Variants in ACSL6 observed in about 807,000 individuals in gnomAD.
ACSL6 encodes the protein acyl-CoA synthetase long chain family member 6.
Under a neutral mutation model 98.2 loss-of-function variants are expected in ACSL6, and 47 were observed. The ratio of observed to expected loss-of-function variants is 0.48; its 90% CI spans 0.38 to 0.61. The LOEUF (loss-of-function observed/expected upper bound fraction) is 0.61, where lower values mean the gene tolerates loss of function less well. Among genes scored for constraint, ACSL6 ranks in the 20% least tolerant of loss-of-function variants. ACSL6 has a pLI of 0.00. For synonymous variants in ACSL6, 362 were observed against 336.9 expected (o/e 1.07, Z -0.82); for missense variants, 761 against 913.4 (o/e 0.83, Z 2.15).
Position 131,994,174 on chromosome 5 carries a change from A to G in ACSL6, c.127T>C (p.Leu43=). 6.2e-7 allele frequency: 1 copy of G among 1,614,206 alleles called. No individual in the cohort carries two copies. Among genetic ancestry groups the G allele is most frequent in the Non-Finnish European group, 8.5e-7 (1 of 1,180,034 alleles). Residue 43 remains leucine, a synonymous_variant, in exon 2 of 21, where the codon TTG becomes CTG. Coordinates refer to ENST00000651883, the MANE Select transcript of ACSL6 (RefSeq NM_001009185.3). The part of the protein sequence containing the change: ...RILRLPELGD[L]GQFFRSLSAT... ...GAGAGGCTGCGGAAAAACTGTCCCA[A>G]GTCACCTAGCTCAGGCAGTCGCAGT...
chr5:131,988,269 G>A, intron 6 of ACSL6, 43 bp from the exon 7 acceptor site: 2 of 1,605,576 alleles, frequency 1.2e-6, no homozygotes, highest in Non-Finnish European at 1.7e-6. Context: ...GTGGGCCCAG[G>A]TCATGAGTGC....
chr5:131,986,600 A>G (rs1480061501), intron 8 of ACSL6, among the ~76,000 whole-genome samples: 2 of 152,198 alleles, frequency 1.3e-5, no homozygotes, highest in Non-Finnish European at 2.9e-5. Flanking sequence ...CAGGATTGGC[A>G]GCTCTTTTTT....
In ACSL6 at chr5:132,003,026, C is replaced by A. The variant is rs1035342825; in HGVS notation, c.49+8479G>T. On this transcript the variant is annotated intron_variant, in intron 1 of 20. Transcript: ENST00000651883. ...GATTGCTGCTGCAGCCAGGATCCGG[C>A]ATGGCTCCTTCACCTACCATTCCAG... Among the ~76,000 whole-genome samples, 3 of 152,234 alleles carry A rather than the reference C, an allele frequency of 2.0e-5. No homozygotes were observed. The East Asian group carries it at 5.8e-4, about 29-fold the overall frequency.
intron 20 of ACSL6, among the ~76,000 whole-genome samples, chr5:131,959,301 A>G (rs1308266048): frequency 6.6e-6 from 1 of 152,216 alleles, no homozygotes; most frequent in Non-Finnish European, 1.5e-5. Context: ...CTAGGGTATT[A>G]TTTCAGCCTT....
At chr5:131,986,760 C>T (rs1754209804) in intron 8 of ACSL6, 62 bp downstream of exon 8, 16 of 1,595,936 alleles carry the variant, frequency 1.0e-5, no homozygotes, top group Non-Finnish European at 1.4e-5. Context: ...GTGAGGGACT[C>T]TGTGAGGACA....
Position 131,971,616 on chromosome 5 carries a change from A to C in ACSL6, c.1368T>G (p.Ile456Met), listed in dbSNP as rs771276319. The stretch of plus-strand genomic sequence containing the variant: ...GTGATGCTGGGGCTGCTCCAGTAAC[A>C]ATCATCCGCACACACCCACCAAGAC... ...QASLGGCVRM[I>M]VTGAAPASPT... The change falls in exon 14 of 21, where the codon ATT becomes ATG. Residue 456 changes from isoleucine (I) to methionine (M), a missense_variant. Ile to Met is a conservative substitution (Grantham distance 10, BLOSUM62 1). Transcript: ENST00000651883. The C allele has an allele frequency of 6.2e-7, 1 of 1,612,408 alleles. No homozygotes were observed. Among genetic ancestry groups the C allele is most frequent in the East Asian group, 2.2e-5 (1 of 44,888 alleles).
intron 1 of ACSL6, among the ~76,000 whole-genome samples, chr5:132,004,926 G>C (rs556295430): frequency 2.0e-5 from 3 of 152,146 alleles, no homozygotes; most frequent in Non-Finnish European, 4.4e-5. Flanking sequence ...GGATCACCTA[G>C]ATCACCTGAG....
chr5:131,955,980 T>C (rs1342750181), intron 20 of ACSL6, among the ~76,000 whole-genome samples: 2 of 152,202 alleles, frequency 1.3e-5, no homozygotes, highest in African/African-American at 4.8e-5. Context: ...CCACCTTCTT[T>C]TGTTATTAAA....
upstream of ACSL6, chr5:132,011,748 C>T (rs1755750189): frequency 1.5e-6 from 2 of 1,301,258 alleles, no homozygotes; most frequent in Non-Finnish European, 9.8e-7. The surrounding 1 kb of genome is among the most constrained non-coding windows in gnomAD (Gnocchi z 5.4). Flanking sequence ...GGGCGCGGCG[C>T]GCACTCGCAA....
Position 131,997,858 on chromosome 5 carries a change from CT to C in ACSL6, c.50-3608del, listed in dbSNP as rs201891822. On this transcript the variant is annotated intron_variant, in intron 1 of 20. Coordinates refer to ENST00000651883, the MANE Select transcript of ACSL6 (RefSeq NM_001009185.3). The stretch of plus-strand genomic sequence containing the variant: ...GTCTCGTTCTTTCAGGCTTATCGAC[CT>C]TCTCAGTCAGAACTGCTTGCGTTTA... 5.8e-3 allele frequency among the ~76,000 whole-genome samples: 876 copies of C among 152,328 alleles called. 10 individuals are homozygous for C. Among genetic ancestry groups the C allele is most frequent in the African/African-American group, 0.02 (849 of 41,568 alleles).
chr5:131,993,970 TCCAAGATGCCTGTCCTCTG>T, intron 2 of ACSL6, 42 bp downstream of exon 2: 1 of 1,556,206 alleles, frequency 6.4e-7, no homozygotes, highest in Admixed American at 1.7e-5. Context: ...GGCTTCTACT[TCCAAGATGCCTGTCCTCTG>T]CCCCCTACTT....
At chr5:131,963,151 C>T (rs1484264415) in intron 17 of ACSL6, among the ~76,000 whole-genome samples, 1 of 152,176 alleles carries the variant, frequency 6.6e-6, no homozygotes. Context: ...CCTCTGCATC[C>T]CCTGGCATAT....
rs538710252 is a variant in ACSL6, at chr5:131,959,034, A to G, written c.2031+502T>C. Among the ~76,000 whole-genome samples the G allele has an allele frequency of 3.3e-5, 5 of 149,938 alleles. No individual in the cohort carries two copies. The Admixed American group carries it at 3.3e-4, about 10-fold the overall frequency. On this transcript the variant is annotated intron_variant, in intron 20 of 20. Transcript: ENST00000651883. ...TACAGTAAGAACCCAACCTTGCAGA[A>G]AAAAAAAAAAGTCTTGGAGGACTGC...
At chr5:131,986,981 T>TCA (rs58544750) in intron 7 of ACSL6, 127 bp from the exon 8 acceptor site, 10,639 of 85,414 alleles carry the variant, frequency 0.12, 229 homozygotes, top group East Asian at 0.17. Flanking sequence ...ACCCACACAC[T>TCA]CACACACACA....
intron 19 of ACSL6, among the ~76,000 whole-genome samples, chr5:131,960,228 AC>A (rs558630064): frequency 6.6e-6 from 1 of 151,714 alleles, no homozygotes; most frequent in Admixed American, 6.6e-5. Flanking sequence ...CGGGCAAGTT[AC>A]CCCCCTCCCT....
chr5:131,966,489 T>A lies in ACSL6; in HGVS notation c.1640A>T (p.Asp547Val), dbSNP rs899102164. Residue 547 changes from aspartate to valine, a missense_variant, in exon 17 of 21, where the codon GAT (aspartate) becomes GTT (valine). Coordinates refer to ENST00000651883, the MANE Select transcript of ACSL6 (RefSeq NM_001009185.3). The part of the protein sequence containing the change: ...GPNVFKGYLK[D>V]PDRTKEALDS... ...CAGGGCCTCCTTCGTCCTGTCTGGATCTTTCAAGTAGCCTTTGAACACATT... is the reference window on the plus strand; with the variant it reads ...CAGGGCCTCCTTCGTCCTGTCTGGAACTTTCAAGTAGCCTTTGAACACATT... 1 of 1,614,064 alleles carries A rather than the reference T, an allele frequency of 6.2e-7. No homozygotes were observed. Among genetic ancestry groups the A allele is most frequent in the Non-Finnish European group, 8.5e-7 (1 of 1,180,040 alleles).
At chr5:131,980,886 C>T (rs1753852273) in intron 9 of ACSL6, among the ~76,000 whole-genome samples, 1 of 152,126 alleles carries the variant, frequency 6.6e-6, no homozygotes, top group Non-Finnish European at 1.5e-5. Flanking sequence ...CCTTCCTGCT[C>T]CCTCCACAGC....
At position 131,990,042 on chromosome 5, in the gene ACSL6, G is replaced by A. The variant is rs1222665440; in HGVS notation, c.450+58C>T. 5.3e-5 allele frequency: 84 copies of A among 1,578,390 alleles called. No individual in the cohort carries two copies. In the East Asian group the frequency reaches 1.9e-3, roughly 35 times the overall value. ...CAGGTGCCCACATCCCTCCCTACCTGCCCTGAGTGCCAGATCTGAATGGGT... is the reference window on the plus strand; with the variant it reads ...CAGGTGCCCACATCCCTCCCTACCTACCCTGAGTGCCAGATCTGAATGGGT... On this transcript the variant is annotated intron_variant, in intron 4 of 20. Coordinates refer to ENST00000651883, the MANE Select transcript of ACSL6 (RefSeq NM_001009185.3).
rs78905793 is a variant in ACSL6 at position 131,963,414 on chromosome 5, T to C, written c.1714-736A>G. ...ACCTTGGAGTAACCACCGTTTTCTC[T>C]TCATTGGTCACTCCCAAGTCAGTTC... On this transcript the variant is annotated intron_variant, in intron 17 of 20. Transcript: ENST00000651883. Among the ~76,000 whole-genome samples the C allele has an allele frequency of 3.6e-3, 543 of 152,334 alleles. 4 individuals are homozygous for C. The highest frequency in any genetic ancestry group is 0.013 in the African/African-American group (524 of 41,572).
Sources: allele counts gnomAD v4.1 joint callset (sites outside exome capture counted in the v4.1 genomes callset), GRCh38; gene constraint gnomAD v4.1.1; non-coding constraint Gnocchi (gnomAD v3.1); transcripts MANE v1.5; gene names NCBI Gene and HGNC (gene_info 2026-07-23, HGNC 2026-07-21).